The following CADPS variants were observed in gnomAD, a reference collection of about 807,000 sequenced individuals.
CADPS encodes calcium dependent secretion activator, also known as calcium-dependent secretion activator 1.
Under a neutral mutation model 167.3 loss-of-function variants are expected in CADPS, and 57 were observed. The ratio of observed to expected loss-of-function variants is 0.34; its 90% CI spans 0.28 to 0.42. The LOEUF (loss-of-function observed/expected upper bound fraction) is 0.42. Among genes scored for constraint, CADPS ranks in the 20% least tolerant of loss-of-function variants. The pLI, the probability that CADPS is intolerant of heterozygous loss-of-function variation, is 1.00. For missense variants in CADPS, 1,414 were observed against 1,738.1 expected (o/e 0.81, Z 3.32); for synonymous variants, 676 against 635.3 (o/e 1.06, Z -0.96).
At position 62,748,490 on chromosome 3, in the gene CADPS, G is replaced by T. The variant is rs114049790; in HGVS notation, c.888+4951C>A. Among the ~76,000 whole-genome samples the T allele has an allele frequency of 8.0e-3, 1,214 of 152,114 alleles. 15 individuals carry two copies. The highest frequency in any genetic ancestry group is 0.027 in the African/African-American group (1,138 of 41,488). On this transcript the variant is annotated intron_variant, in intron 3 of 29. Coordinates refer to ENST00000383710, the MANE Select transcript of CADPS (RefSeq NM_003716.4). ...ATAACTTATAAAGTTAAGCAGAGGAGTAGAAAGTAGCAGACAGCTGGTACA... is the reference window on the plus strand; with the variant it reads ...ATAACTTATAAAGTTAAGCAGAGGATTAGAAAGTAGCAGACAGCTGGTACA...
intron 11 of CADPS, among the ~76,000 whole-genome samples, chr3:62,545,088 A>T (rs758059262): frequency 1.1e-4 from 16 of 152,186 alleles, no homozygotes; most frequent in Non-Finnish European, 1.2e-4. Context: ...TGGTAGCAAA[A>T]ATAGAACAGT....
At chr3:62,819,407 CGTGTGTGTGTGTGTGTGT>C (rs3047244) in intron 1 of CADPS, among the ~76,000 whole-genome samples, 1 of 143,986 alleles carries the variant, frequency 6.9e-6, no homozygotes, top group African/African-American at 2.6e-5. Flanking sequence ...AATCTGTGTG[CGTGTGTGTGTGTGTGTGT>C]GTGTGTGTGT....
At chr3:62,858,899 A>G (rs923250795) in intron 1 of CADPS, among the ~76,000 whole-genome samples, 1 of 152,194 alleles carries the variant, frequency 6.6e-6, no homozygotes, top group Non-Finnish European at 1.5e-5. Context: ...TTGCTATCAT[A>G]TTTATAGAAA....
intron 17 of CADPS, among the ~76,000 whole-genome samples, chr3:62,509,722 A>G (rs1255244769): frequency 1.3e-5 from 2 of 152,180 alleles, no homozygotes; most frequent in African/African-American, 2.4e-5. Flanking sequence ...GATTTTGTCA[A>G]TGATCCAGTT....
At chr3:62,843,276 T>G (rs867646696) in intron 1 of CADPS, among the ~76,000 whole-genome samples, 252 of 152,324 alleles carry the variant, frequency 1.7e-3, no homozygotes, top group African/African-American at 5.1e-3. Context: ...GAAACAAGAT[T>G]TAATGATATT....
intron 3 of CADPS, among the ~76,000 whole-genome samples, chr3:62,699,663 G>A (rs1347156511): frequency 2.0e-5 from 3 of 152,090 alleles, no homozygotes; most frequent in African/African-American, 7.2e-5. Flanking sequence ...CCGCCTTCCA[G>A]GTTCTAGTGA....
chr3:62,683,191 C>T (rs1013187939), intron 3 of CADPS, among the ~76,000 whole-genome samples: 12 of 151,792 alleles, frequency 7.9e-5, no homozygotes, highest in Admixed American at 6.6e-4. Flanking sequence ...AGCAATAAGA[C>T]GTCATTGAAA....
chr3:62,656,353 A>G (rs1309624589), intron 4 of CADPS, among the ~76,000 whole-genome samples: 1 of 152,156 alleles, frequency 6.6e-6, no homozygotes, highest in African/African-American at 2.4e-5. Context: ...TACCTTATCT[A>G]ATCCTTCCAA....
intron 1 of CADPS, among the ~76,000 whole-genome samples, chr3:62,812,038 A>T (rs1466792626): frequency 1.3e-5 from 2 of 152,166 alleles, no homozygotes; most frequent in East Asian, 3.9e-4. Flanking sequence ...AAATTACATT[A>T]AAAAGATTTT....
chr3:62,778,983 C>CGGA (rs1553662466), intron 1 of CADPS, among the ~76,000 whole-genome samples: 24 of 151,840 alleles, frequency 1.6e-4, no homozygotes, highest in Non-Finnish European at 2.9e-4. Context: ...CTCCACCTGC[C>CGGA]GGGTTCAAGC....
chr3:62,865,770 C>G (rs779840654), intron 1 of CADPS, among the ~76,000 whole-genome samples: 5 of 152,062 alleles, frequency 3.3e-5, no homozygotes, highest in Non-Finnish European at 7.4e-5. Flanking sequence ...TGCAGTAGCT[C>G]TGTAGTTATT....
At chr3:62,765,823 G>C (rs2086706112) in intron 2 of CADPS, 48 bp downstream of exon 2, 2 of 1,262,400 alleles carry the variant, frequency 1.6e-6, no homozygotes, top group Middle Eastern at 1.9e-4. Flanking sequence ...GACTCCCCAG[G>C]CATAGGGCTT....
intron 20 of CADPS, 135 bp from the exon 21 acceptor site, chr3:62,491,615 A>G (rs2063751892): frequency 5.5e-6 from 4 of 733,348 alleles, no homozygotes; most frequent in Non-Finnish European, 8.3e-6. Context: ...CATTAAATAT[A>G]CTGCTTCTAA....
rs1368260579 is a variant in CADPS, at chr3:62,753,733, C to T, written c.596G>A (p.Ser199Asn). 3 of 1,614,026 alleles carry T rather than the reference C, an allele frequency of 1.9e-6. No individual in the cohort carries two copies. Among genetic ancestry groups the T allele is most frequent in the African/African-American group, 1.3e-5 (1 of 74,910 alleles). The change falls in exon 3 of 30, where the codon AGT (serine) becomes AAT (asparagine). Residue 199 changes from serine to asparagine, a missense_variant. By Grantham distance (46) the Ser-to-Asn change is conservative. Coordinates refer to ENST00000383710, the MANE Select transcript of CADPS (RefSeq NM_003716.4). The surrounding 1 kb of genome is among the most constrained non-coding windows in gnomAD (Gnocchi z 4.6). ...KSDRVARMVQ[S>N]GGCSANDSRE... Reference sequence around the variant, plus strand: ...GGAGTCGTTGGCGGAACAGCCTCCACTCTGAACCATGCGGGCCACACGGTC... The same window carrying T: ...GGAGTCGTTGGCGGAACAGCCTCCATTCTGAACCATGCGGGCCACACGGTC...
At chr3:62,659,607 G>T (rs1411311637) in intron 4 of CADPS, among the ~76,000 whole-genome samples, 3 of 152,174 alleles carry the variant, frequency 2.0e-5, no homozygotes, top group African/African-American at 4.8e-5. Context: ...AGTGCACATT[G>T]CTACAGGTAT....
At chr3:62,431,532 ATT>A (rs78659106) in intron 28 of CADPS, among the ~76,000 whole-genome samples, 4 of 142,644 alleles carry the variant, frequency 2.8e-5, no homozygotes, top group Admixed American at 2.1e-4. Flanking sequence ...ATTCAGCTTG[ATT>A]TTTTTTTTTT....
chr3:62,592,426 A>T (rs1383559540), intron 7 of CADPS, among the ~76,000 whole-genome samples: 2 of 152,162 alleles, frequency 1.3e-5, no homozygotes, highest in Non-Finnish European at 2.9e-5. Flanking sequence ...CACTCTTGTT[A>T]GTCCAGCTTT....
intron 6 of CADPS, among the ~76,000 whole-genome samples, chr3:62,599,761 T>TATATATA: frequency 8.0e-5 from 1 of 12,426 alleles, no homozygotes; most frequent in Non-Finnish European, 1.3e-4. Flanking sequence ...TTATATATAT[T>TATATATA]GTATATATAA....
At chr3:62,809,581 C>T (rs918217278) in intron 1 of CADPS, among the ~76,000 whole-genome samples, 2 of 152,168 alleles carry the variant, frequency 1.3e-5, no homozygotes, top group Non-Finnish European at 2.9e-5. Flanking sequence ...TAAAGTAGCT[C>T]CCAGGAAGTC....
Sources: gnomAD v4.1 joint callset for allele counts (sites outside exome capture counted in the v4.1 genomes callset) on GRCh38, gnomAD v4.1.1 for gene constraint, Gnocchi (gnomAD v3.1) non-coding constraint, MANE v1.5 for transcripts, NCBI Gene and HGNC (gene_info 2026-07-23, HGNC 2026-07-21) for gene names.